UGGT1: variants seen among roughly 807,000 people sequenced by gnomAD.
UGGT1 encodes the protein UDP-glucose:glycoprotein glucosyltransferase 1.
A neutral mutation model predicts 203.9 loss-of-function variants in UGGT1; 107 were observed. That is an observed-to-expected ratio of 0.52 (90% CI 0.45 to 0.62). UGGT1 has a LOEUF of 0.62. Among genes scored for constraint, UGGT1 ranks in the 20% least tolerant of loss-of-function variants. The pLI, the probability that UGGT1 is intolerant of heterozygous loss-of-function variation, is 0.00. For missense variants in UGGT1, 1,673 were observed against 1,867.2 expected (o/e 0.90, Z 1.92); for synonymous variants, 628 against 653.5 (o/e 0.96, Z 0.59).
intron 20 of UGGT1, 115 bp downstream of exon 20, chr2:128,155,702 T>TA (rs1200753926): frequency 1.4e-6 from 1 of 727,298 alleles, no homozygotes; most frequent in African/African-American, 1.8e-5. Context: ...TAATTTTTCT[T>TA]ATTTCTTATA....
intron 36 of UGGT1, among the ~76,000 whole-genome samples, chr2:128,181,757 T>C (rs1044539705): frequency 1.3e-5 from 2 of 152,236 alleles, no homozygotes; most frequent in African/African-American, 2.4e-5. Context: ...GTACTTACGA[T>C]GGGCAAGGCA....
rs1439934923 is a variant in UGGT1 at position 128,150,873 on chromosome 2, T to G, written c.2017-1911T>G. 2.6e-5 allele frequency among the ~76,000 whole-genome samples: 4 copies of G among 152,158 alleles called. No homozygotes were observed. The East Asian group carries it at 7.7e-4, about 29-fold the overall frequency. On this transcript the variant is annotated intron_variant, in intron 18 of 40. Coordinates refer to ENST00000259253, the MANE Select transcript of UGGT1 (RefSeq NM_020120.4). ...TTTTTTTTCTTTTCTGTTTTTGAGA[T>G]GGAGCCTCGCTTTGTCACCCAGGCT...
chr2:128,190,543 G>A lies in UGGT1; in HGVS notation c.*801G>A, dbSNP rs982766609. ...ACCGCAGTGAACTTTCTAGGTAATT[G>A]TTTTGAAAACAATTTTTGTATCTGT... On this transcript the variant is annotated 3_prime_UTR_variant, in exon 41 of 41. Coordinates refer to ENST00000259253, the MANE Select transcript of UGGT1 (RefSeq NM_020120.4). The A allele has an allele frequency of 2.1e-4, 32 of 152,146 alleles. No individual in the cohort carries two copies. The highest frequency in any genetic ancestry group is 5.3e-4 in the African/African-American group (22 of 41,446). The allele number at this position is 152,146 out of a possible 1,614,324, so 9.4% of individuals were successfully genotyped here. A position where few individuals can be genotyped will look rare whatever the true frequency, so the allele number is the denominator to read the frequency against.
chr2:128,107,672 G>A (rs1231611889), intron 3 of UGGT1, among the ~76,000 whole-genome samples: 2 of 152,190 alleles, frequency 1.3e-5, no homozygotes, highest in African/African-American at 4.8e-5. Flanking sequence ...TTATTTCTGA[G>A]GAAGTATGTA....
Position 128,116,254 on chromosome 2 carries a change from T to C in UGGT1, c.794-11T>C. ...AATTATTAATAATATGTATTTTCTA[T>C]TCTTTCATAGGAACTGAGGTAAACA... On this transcript the variant is annotated splice_polypyrimidine_tract_variant and intron_variant, in intron 7 of 40. Transcript: ENST00000259253. 1 of 1,558,332 alleles carries C rather than the reference T, an allele frequency of 6.4e-7. No individual in the cohort carries two copies. The highest frequency in any genetic ancestry group is 8.8e-7 in the Non-Finnish European group (1 of 1,131,808).
intron 11 of UGGT1, among the ~76,000 whole-genome samples, chr2:128,124,697 A>C (rs1304280992): frequency 1.3e-5 from 2 of 151,878 alleles, no homozygotes; most frequent in African/African-American, 4.8e-5. Flanking sequence ...CAAAAAAAAA[A>C]AACACTTTCT....
chr2:128,146,014 A>G, intron 18 of UGGT1, 47 bp downstream of exon 18: 3 of 1,609,616 alleles, frequency 1.9e-6, no homozygotes, highest in Non-Finnish European at 2.5e-6. Context: ...CAGTTGGCTT[A>G]TATTTTTTGT....
At chr2:128,173,121 A>G (rs1049400997) in intron 29 of UGGT1, among the ~76,000 whole-genome samples, 2 of 152,222 alleles carry the variant, frequency 1.3e-5, no homozygotes, top group Non-Finnish European at 2.9e-5. Flanking sequence ...TTTTGTCTAA[A>G]TAGAATCAAA....
At position 128,109,731 on chromosome 2, in the gene UGGT1, T is replaced by C; in HGVS notation, c.506T>C (p.Leu169Pro). The C allele has an allele frequency of 1.2e-6, 2 of 1,613,056 alleles. No individual in the cohort carries two copies. The highest frequency in any genetic ancestry group is 1.7e-6 in the Non-Finnish European group (2 of 1,178,994). ...CESDTLEALL[L>P]TASERPKPLL... The stretch of plus-strand genomic sequence containing the variant: ...TCTGATACCCTTGAGGCTCTTCTAC[T>C]GACAGCCTCTGAAAGGTAGATTATG... The change falls in exon 5 of 41, where the codon CTG becomes CCG. Residue 169 changes from leucine (L) to proline (P), a missense_variant. Transcript: ENST00000259253.
chr2:128,186,184 C>T (rs1691974018), intron 38 of UGGT1, among the ~76,000 whole-genome samples: 1 of 152,192 alleles, frequency 6.6e-6, no homozygotes, highest in Non-Finnish European at 1.5e-5. Flanking sequence ...TTTATGGATC[C>T]TCTAAAATTT....
chr2:128,153,042 G>A, intron 19 of UGGT1, 138 bp downstream of exon 19: 1 of 1,247,344 alleles, frequency 8.0e-7, no homozygotes, highest in Non-Finnish European at 1.1e-6. Flanking sequence ...AATTTTATGT[G>A]TAAACTCTTT....
intron 1 of UGGT1, among the ~76,000 whole-genome samples, chr2:128,093,147 C>G (rs930716467): frequency 1.3e-5 from 2 of 152,122 alleles, no homozygotes; most frequent in Non-Finnish European, 2.9e-5. Context: ...TATAGCTTTC[C>G]TCCTTTTTTC....
chr2:128,130,998 C>A (rs959107811), intron 13 of UGGT1, among the ~76,000 whole-genome samples: 4 of 151,656 alleles, frequency 2.6e-5, no homozygotes, highest in African/African-American at 9.7e-5. Flanking sequence ...TTTGGGAGGC[C>A]GAGGTGGGTG....
intron 18 of UGGT1, 119 bp downstream of exon 18, chr2:128,146,086 T>C: frequency 8.0e-7 from 1 of 1,248,478 alleles, no homozygotes. Flanking sequence ...GGCGAGAGGA[T>C]GGTTTGAGGG....
chr2:128,140,207 T>A, intron 16 of UGGT1: 1 of 169,728 alleles, frequency 5.9e-6, no homozygotes, highest in Non-Finnish European at 1.3e-5. Flanking sequence ...AGGAATTTCT[T>A]AGAGACCTGA....
intron 15 of UGGT1, among the ~76,000 whole-genome samples, chr2:128,137,083 T>C (rs994130142): frequency 6.6e-6 from 1 of 152,224 alleles, no homozygotes; most frequent in Non-Finnish European, 1.5e-5. Flanking sequence ...TTTGTCTCCA[T>C]TTTTAAAACT....
chr2:128,091,540 T>C (rs4476299), intron 1 of UGGT1, 125 bp downstream of exon 1: 1,388,836 of 1,457,292 alleles, frequency 0.95, 664,675 homozygotes, highest in Non-Finnish European at 0.98. Flanking sequence ...TCTGGTGTCC[T>C]ATCCCTTCCC....
At position 128,112,587 on chromosome 2, in the gene UGGT1, GTT is replaced by G. The variant is rs58357771; in HGVS notation, c.522-485_522-484del. ...TTATTAATTGAGATTTATTTTATTC[GTT>G]TTTTTTTTTTTGAGACAGGGTCCCG... is the stretch of plus-strand genomic sequence containing the variant. On this transcript the variant is annotated intron_variant, in intron 5 of 40. Coordinates refer to ENST00000259253, the MANE Select transcript of UGGT1 (RefSeq NM_020120.4). Among the ~76,000 whole-genome samples the G allele has an allele frequency of 1.7e-3, 208 of 123,292 alleles. 2 individuals are homozygous for G. Among genetic ancestry groups the G allele is most frequent in the Middle Eastern group, 4.0e-3 (1 of 248 alleles). 80.9% of individuals were successfully genotyped at this position (123,292 alleles called of 152,430 possible).
In UGGT1 at chr2:128,159,677, A is replaced by G; in HGVS notation, c.2519A>G (p.Glu840Gly). 1 of 1,614,134 alleles carries G rather than the reference A, an allele frequency of 6.2e-7. No homozygotes were observed. Among genetic ancestry groups the G allele is most frequent in the Non-Finnish European group, 8.5e-7 (1 of 1,180,010 alleles). ...AAAATGGCCAAGGAGGGGGCTGCAGAGGCCCTGGCTGCAGGAGCTGACATT... is the reference window on the plus strand; with the variant it reads ...AAAATGGCCAAGGAGGGGGCTGCAGGGGCCCTGGCTGCAGGAGCTGACATT... ...ITKMAKEGAA[E>G]ALAAGADIAE... The change falls in exon 23 of 41, where the codon GAG becomes GGG. Residue 840 changes from glutamate (E) to glycine (G), a missense_variant. This residue lies in a region of UGGT1 where 1,073 missense variants were observed against 1,078.7 expected (regional missense o/e 0.99). Coordinates refer to ENST00000259253, the MANE Select transcript of UGGT1 (RefSeq NM_020120.4).
Sources: allele counts gnomAD v4.1 joint callset (sites outside exome capture counted in the v4.1 genomes callset), GRCh38; gene constraint gnomAD v4.1.1; regional missense constraint gnomAD v4.1.1; transcripts MANE v1.5; gene names NCBI Gene and HGNC (gene_info 2026-07-23, HGNC 2026-07-21).